Variants in ADA2 observed in about 807,000 individuals in gnomAD.
ADA2 encodes the protein adenosine deaminase 2, also known as adenosine deaminase CECR1.
A neutral mutation model predicts 44.2 loss-of-function variants in ADA2; 29 were observed. The observed-to-expected ratio is 0.66, with a 90% CI of 0.49 to 0.89. The LOEUF is 0.89. Among genes scored for constraint, ADA2 ranks in the 40% least tolerant of loss-of-function variants. The pLI is 0.00. For synonymous variants in ADA2, 215 were observed against 234.9 expected (o/e 0.92, Z 0.77); for missense variants, 637 against 644.8 (o/e 0.99, Z 0.13).
intron 6 of ADA2, chr22:17,188,868 A>AAAAAAAAAAAAATATATATATATAT: frequency 6.2e-5 from 5 of 81,180 alleles, no homozygotes; most frequent in African/African-American, 2.1e-4. Context: ...AAGAGCAAAA[A>AAAAAAAAAAAAATATATATATATAT]ATATATATAT....
chr22:17,191,291 TCACACACAAC>T (rs1427155993), intron 5 of ADA2, among the ~76,000 whole-genome samples: 1 of 152,160 alleles, frequency 6.6e-6, no homozygotes, highest in Non-Finnish European at 1.5e-5. Flanking sequence ...GATCAAGGAC[TCACACACAAC>T]CACACACAGA....
At chr22:17,199,452 C>CCTCCTCT in intron 4 of ADA2, 1 of 1,204,530 alleles carries the variant, frequency 8.3e-7, no homozygotes. Context: ...CCCCTCCACC[C>CCTCCTCT]ACGAAGATCC....
At chr22:17,210,643 G>C (rs1460613502) in intron 1 of ADA2, among the ~76,000 whole-genome samples, 1 of 151,670 alleles carries the variant, frequency 6.6e-6, no homozygotes, top group African/African-American at 2.4e-5. Flanking sequence ...TGTCACCCAG[G>C]CTGGACTGCA....
intron 4 of ADA2, among the ~76,000 whole-genome samples, chr22:17,199,092 G>C (rs1189778973): frequency 6.6e-6 from 1 of 152,216 alleles, no homozygotes; most frequent in Non-Finnish European, 1.5e-5. Context: ...TCCAGGGTCA[G>C]ACCCGAACAA....
intron 1 of ADA2, among the ~76,000 whole-genome samples, chr22:17,211,087 C>T (rs1214700243): frequency 3.3e-5 from 5 of 151,864 alleles, no homozygotes; most frequent in African/African-American, 1.2e-4. Context: ...TACGGCTGGG[C>T]GCGGTGGCTC....
rs114302006 is a variant in ADA2, at chr22:17,188,040, G to A, written c.1081+299C>T. Reference sequence around the variant, plus strand: ...ACTCTCTTGAACCTGGGAAGCCGAGGTTGCAGTGAGCTGGGCGACAGAGGG... The same window carrying A: ...ACTCTCTTGAACCTGGGAAGCCGAGATTGCAGTGAGCTGGGCGACAGAGGG... On this transcript the variant is annotated intron_variant, in intron 7 of 9. Coordinates refer to ENST00000399837, the MANE Select transcript of ADA2 (RefSeq NM_001282225.2). Among the ~76,000 whole-genome samples the A allele has an allele frequency of 6.8e-3, 1,035 of 151,628 alleles. 11 individuals carry two copies. Among genetic ancestry groups the A allele is most frequent in the African/African-American group, 0.024 (1,000 of 41,316 alleles).
At chr22:17,192,698 C>T (rs897200886) in intron 4 of ADA2, among the ~76,000 whole-genome samples, 2 of 152,112 alleles carry the variant, frequency 1.3e-5, no homozygotes, top group Non-Finnish European at 2.9e-5. Flanking sequence ...CATGGTGGCA[C>T]ATGCCTGTTA....
At chr22:17,198,212 G>A (rs2123682276) in intron 4 of ADA2, among the ~76,000 whole-genome samples, 1 of 152,230 alleles carries the variant, frequency 6.6e-6, no homozygotes, top group South Asian at 2.1e-4. Context: ...CTCAGCCCTG[G>A]CGGCACATTG....
chr22:17,221,068 T>C (rs1463441890), upstream of ADA2, among the ~76,000 whole-genome samples: 3 of 151,556 alleles, frequency 2.0e-5, no homozygotes, highest in Non-Finnish European at 4.4e-5. Context: ...GCTTGAACCC[T>C]GGAGGTGGAG....
rs1038537079 is a variant in ADA2 at position 17,179,387 on chromosome 22, A to G, written c.*2096T>C. ...AGCATGCGTGAAACAATCAGAAACA[A>G]TCATGAGCGCCTGCCCACATGGGGC... is the stretch of plus-strand genomic sequence containing the variant. On this transcript the variant is annotated 3_prime_UTR_variant, in exon 10 of 10. Transcript: ENST00000399837. The G allele has an allele frequency of 3.9e-5, 6 of 152,216 alleles. No individual in the cohort carries two copies. The highest frequency in any genetic ancestry group is 1.2e-4 in the African/African-American group (5 of 41,436). The allele number at this position is 152,216 out of a possible 1,614,324, so 9.4% of individuals were successfully genotyped here.
At position 17,182,653 on chromosome 22, in the gene ADA2, T is replaced by G. The variant is rs2061986476; in HGVS notation, c.1190A>C (p.Tyr397Ser). The G allele has an allele frequency of 1.2e-6, 2 of 1,614,052 alleles. No homozygotes were observed. Among genetic ancestry groups the G allele is most frequent in the Non-Finnish European group, 1.7e-6 (2 of 1,180,024 alleles). Reference protein sequence around the residue: ...ALSKHPAVRTYSWKKDIPIEV... With the variant: ...ALSKHPAVRTSSWKKDIPIEV... ...TATGGGGATGTCCTTTTTCCAGGAG[T>G]AAGTCCTGACTGCGGGGTGTTTGCT... Residue 397 changes from tyrosine (Y) to serine (S), a missense_variant, in exon 8 of 10, where the codon TAC becomes TCC. Tyr to Ser is a moderately radical substitution (Grantham distance 144). Transcript: ENST00000399837.
At chr22:17,193,520 C>T (rs922584459) in intron 4 of ADA2, among the ~76,000 whole-genome samples, 2 of 151,430 alleles carry the variant, frequency 1.3e-5, no homozygotes, top group Non-Finnish European at 2.9e-5. Context: ...CAAAAATTAG[C>T]CGGGTGTGGT....
At chr22:17,183,875 G>C (rs1446456630) in intron 7 of ADA2, among the ~76,000 whole-genome samples, 1 of 150,810 alleles carries the variant, frequency 6.6e-6, no homozygotes, top group Non-Finnish European at 1.5e-5. Flanking sequence ...TAATAGTACT[G>C]TCAAGATGTT....
chr22:17,178,879 C>A lies in ADA2; in HGVS notation c.*2604G>T, dbSNP rs2061938800. 1 of 152,098 alleles carries A rather than the reference C, an allele frequency of 6.6e-6. No homozygotes were observed. The highest frequency in any genetic ancestry group is 6.6e-5 in the Admixed American group (1 of 15,244). 9.4% of individuals were successfully genotyped at this position (152,098 alleles called of 1,614,324 possible). A position where few individuals can be genotyped will look rare whatever the true frequency, so the allele number is the denominator to read the frequency against. ...TTGCGTCTGCCTGTGTTGGAGGTCC[C>A]CTGCGCAGTTGGGACCTAAAAGATC... is the stretch of plus-strand genomic sequence containing the variant. On this transcript the variant is annotated 3_prime_UTR_variant, in exon 10 of 10. Coordinates refer to ENST00000399837, the MANE Select transcript of ADA2 (RefSeq NM_001282225.2).
intron 3 of ADA2, among the ~76,000 whole-genome samples, chr22:17,205,598 G>A (rs369046241): frequency 1.4e-4 from 22 of 152,250 alleles, no homozygotes; most frequent in African/African-American, 4.6e-4. Context: ...TCAGCTTCAC[G>A]TTTCTCATTT....
rs2061965546 is a variant in ADA2 at position 17,181,314 on chromosome 22, A to G, written c.*169T>C. 1.6e-6 allele frequency: 1 copy of G among 643,870 alleles called. No individual in the cohort carries two copies. Among genetic ancestry groups the G allele is most frequent in the Non-Finnish European group, 2.8e-6 (1 of 355,170 alleles). The allele number at this position is 643,870 out of a possible 1,614,324, so 39.9% of individuals were successfully genotyped here. A position where few individuals can be genotyped will look rare whatever the true frequency, so the allele number is the denominator to read the frequency against. On this transcript the variant is annotated 3_prime_UTR_variant, in exon 10 of 10. Coordinates refer to ENST00000399837, the MANE Select transcript of ADA2 (RefSeq NM_001282225.2). ...GGGTCAATGTCACTGTGGCTGAGAG[A>G]GAATATTTCCAGAGGATGAATTTGC...
In ADA2 at chr22:17,182,683, G is replaced by A; in HGVS notation, c.1160C>T (p.Ala387Val). Residue 387 changes from alanine to valine, a missense_variant, in exon 8 of 10, where the codon GCT (alanine) becomes GTT (valine). Physicochemically the swap from Ala to Val is moderately conservative, Grantham distance 64 (BLOSUM62 0). Transcript: ENST00000399837. ...LNTTRIGHGF[A>V]LSKHPAVRTY... The stretch of plus-strand genomic sequence containing the variant: ...CCTGACTGCGGGGTGTTTGCTCAAA[G>A]CAAATCCATGGCCGATTCTGGTAGT... 1 of 1,614,084 alleles carries A rather than the reference G, an allele frequency of 6.2e-7. No homozygotes were observed. Among genetic ancestry groups the A allele is most frequent in the South Asian group, 1.1e-5 (1 of 91,076 alleles).
chr22:17,180,746 A>G lies in ADA2; in HGVS notation c.*737T>C, dbSNP rs2061959401. The G allele has an allele frequency of 6.6e-6, 1 of 152,240 alleles. No homozygotes were observed. Among genetic ancestry groups the G allele is most frequent in the Admixed American group, 6.5e-5 (1 of 15,272 alleles). 9.4% of individuals were successfully genotyped at this position (152,240 alleles called of 1,614,324 possible). A position where few individuals can be genotyped will look rare whatever the true frequency, so the allele number is the denominator to read the frequency against. On this transcript the variant is annotated 3_prime_UTR_variant, in exon 10 of 10. Transcript: ENST00000399837. ...AAGTGCATAAATAAATGTGGGAATCATTAACAAATAAATGGTATGAAAAAG... is the reference window on the plus strand; with the variant it reads ...AAGTGCATAAATAAATGTGGGAATCGTTAACAAATAAATGGTATGAAAAAG...
intron 1 of ADA2, among the ~76,000 whole-genome samples, chr22:17,215,611 A>C (rs1418363251): frequency 6.6e-6 from 1 of 151,968 alleles, no homozygotes; most frequent in Non-Finnish European, 1.5e-5. Context: ...GTCTCAAAAA[A>C]AAAAAAAGAA....
Sources: gnomAD v4.1 joint callset for allele counts (sites outside exome capture counted in the v4.1 genomes callset) on GRCh38, gnomAD v4.1.1 for gene constraint, MANE v1.5 for transcripts, NCBI Gene and HGNC (gene_info 2026-07-23, HGNC 2026-07-21) for gene names.